The following PTGER3 variants were observed in gnomAD, a reference collection of about 807,000 sequenced individuals.
The protein encoded by PTGER3 is prostaglandin E receptor 3, also known as prostaglandin E2 receptor EP3 subtype.
PTGER3 carries 22 observed loss-of-function variants against 34.7 expected under a neutral mutation model. The observed-to-expected ratio is 0.63, with a 90% CI of 0.45 to 0.91. The LOEUF (loss-of-function observed/expected upper bound fraction) is 0.91. Ranked by LOEUF, PTGER3 falls within the 40% of genes least tolerant of loss-of-function variation. PTGER3 has a pLI of 0.00. For missense variants in PTGER3, 468 were observed against 519.4 expected, an observed-to-expected ratio of 0.90 and a Z score of 0.96; for synonymous variants, 241 against 230.1, an observed-to-expected ratio of 1.05 and a Z score of -0.43.
intron 2 of PTGER3, among the ~76,000 whole-genome samples, chr1:70,961,129 T>C (rs1651890025): frequency 6.6e-6 from 1 of 152,166 alleles, no homozygotes; most frequent in African/African-American, 2.4e-5. Context: ...ACCTGCCTGA[T>C]GAGAAGAATC....
At chr1:70,961,398 G>C (rs897505869) in intron 2 of PTGER3, among the ~76,000 whole-genome samples, 20 of 152,148 alleles carry the variant, frequency 1.3e-4, no homozygotes, top group African/African-American at 4.6e-4. Flanking sequence ...ACTAGGTTCT[G>C]TACCTTGAAT....
At chr1:71,007,253 T>C in intron 2 of PTGER3, 1 of 985,522 alleles carries the variant, frequency 1.0e-6, no homozygotes, top group Non-Finnish European at 1.2e-6. Context: ...ATTCATTTGT[T>C]ACAAACAGAT....
chr1:70,972,055 C>T (rs562121485), intron 3 of PTGER3, among the ~76,000 whole-genome samples: 3 of 152,118 alleles, frequency 2.0e-5, no homozygotes, highest in East Asian at 1.9e-4. Flanking sequence ...AGGCCAGACG[C>T]GGTGGTTCAT....
chr1:70,937,662 C>A (rs1413357212), intron 4 of PTGER3, among the ~76,000 whole-genome samples: 3 of 152,176 alleles, frequency 2.0e-5, no homozygotes, highest in Non-Finnish European at 4.4e-5. Flanking sequence ...TGGTCACTCT[C>A]ACATAGAAAA....
chr1:70,900,321 G>A (rs1440859376), intron 4 of PTGER3, among the ~76,000 whole-genome samples: 1 of 152,022 alleles, frequency 6.6e-6, no homozygotes, highest in East Asian at 1.9e-4. Context: ...GGGGGGAAGG[G>A]GTGTTCTTAC....
At chr1:70,909,356 A>G (rs1647016002) in intron 4 of PTGER3, among the ~76,000 whole-genome samples, 2 of 152,218 alleles carry the variant, frequency 1.3e-5, no homozygotes, top group Non-Finnish European at 2.9e-5. Flanking sequence ...AGAGGGAGAC[A>G]TACTTTACAC....
intron 4 of PTGER3, among the ~76,000 whole-genome samples, chr1:70,859,106 C>T (rs927685444): frequency 4.6e-5 from 7 of 152,160 alleles, no homozygotes; most frequent in Non-Finnish European, 1.0e-4. Context: ...AGTGGGCTGC[C>T]TTTGCTGCTT....
At chr1:70,862,124 T>C (rs1224523009) in intron 4 of PTGER3, among the ~76,000 whole-genome samples, 1 of 152,138 alleles carries the variant, frequency 6.6e-6, no homozygotes, top group East Asian at 1.9e-4. Context: ...AAGTAAAATT[T>C]AGTGTCTAAG....
At chr1:70,948,077 A>G (rs1334748736), downstream of PTGER3, among the ~76,000 whole-genome samples, 3 of 152,164 alleles carry the variant, frequency 2.0e-5, no homozygotes, top group African/African-American at 7.2e-5. Context: ...AAAAGCCTGT[A>G]TCACACTTCA....
intron 4 of PTGER3, among the ~76,000 whole-genome samples, chr1:70,875,934 T>C (rs1025598754): frequency 1.3e-5 from 2 of 152,220 alleles, no homozygotes; most frequent in African/African-American, 4.8e-5. Context: ...GAATGATTTA[T>C]ATTCCTTTGG....
At chr1:70,983,323 G>A (rs1233782448) in intron 2 of PTGER3, among the ~76,000 whole-genome samples, 1 of 151,398 alleles carries the variant, frequency 6.6e-6, no homozygotes, top group African/African-American at 2.4e-5. Flanking sequence ...CTAGAATTGG[G>A]GATATTTGGA....
At chr1:71,034,592 A>T (rs1659670077) in intron 1 of PTGER3, among the ~76,000 whole-genome samples, 1 of 152,252 alleles carries the variant, frequency 6.6e-6, no homozygotes, top group South Asian at 2.1e-4. Context: ...GTGATAAAAC[A>T]TAATAGTAAA....
chr1:70,890,156 C>T (rs931807866), intron 4 of PTGER3, among the ~76,000 whole-genome samples: 1 of 152,108 alleles, frequency 6.6e-6, no homozygotes, highest in Non-Finnish European at 1.5e-5. Flanking sequence ...AAGCATAGAC[C>T]CTCCACTCAG....
intron 2 of PTGER3, among the ~76,000 whole-genome samples, chr1:71,004,219 G>C (rs887393045): frequency 3.9e-5 from 6 of 152,068 alleles, no homozygotes; most frequent in African/African-American, 1.2e-4. Flanking sequence ...AGAAACTTAT[G>C]GTTAACAGAT....
chr1:70,868,409 T>G (rs755609028), intron 4 of PTGER3, among the ~76,000 whole-genome samples: 4 of 152,192 alleles, frequency 2.6e-5, no homozygotes, highest in Non-Finnish European at 5.9e-5. Flanking sequence ...GTGTCTTATC[T>G]CCATAGCTTT....
At chr1:71,036,111 T>C (rs576718137) in intron 1 of PTGER3, among the ~76,000 whole-genome samples, 1 of 152,332 alleles carries the variant, frequency 6.6e-6, no homozygotes, top group Admixed American at 6.5e-5. Context: ...CTTATTCTGG[T>C]AAATTTGGAA....
chr1:70,895,431 G>A (rs1646704037), intron 4 of PTGER3, among the ~76,000 whole-genome samples: 1 of 152,054 alleles, frequency 6.6e-6, no homozygotes, highest in Admixed American at 6.5e-5. Context: ...ATTACTCATT[G>A]CCTTTGAATA....
chr1:71,044,467 T>C (rs1402291828), intron 1 of PTGER3, among the ~76,000 whole-genome samples: 1 of 151,516 alleles, frequency 6.6e-6, no homozygotes, highest in Non-Finnish European at 1.5e-5. Context: ...TCCTTTTTGA[T>C]ATGATCACAT....
At chr1:70,927,564 T>C (rs1174693944) in intron 4 of PTGER3, among the ~76,000 whole-genome samples, 1 of 152,134 alleles carries the variant, frequency 6.6e-6, no homozygotes, top group African/African-American at 2.4e-5. Context: ...TTTAGAAATA[T>C]TTCCTGGATC....
Sources: gnomAD v4.1 joint callset for allele counts (sites outside exome capture counted in the v4.1 genomes callset) on GRCh38, gnomAD v4.1.1 for gene constraint, MANE v1.5 for transcripts, NCBI Gene and HGNC (gene_info 2026-07-23, HGNC 2026-07-21) for gene names.